The following SHANK2 variants were observed in gnomAD, a reference collection of about 807,000 sequenced individuals.
SHANK2 encodes the protein SH3 and multiple ankyrin repeat domains protein 2.
SHANK2 carries 43 observed loss-of-function variants against 133.7 expected under a neutral mutation model. The observed-to-expected ratio is 0.32, with a 90% CI of 0.25 to 0.41. The LOEUF is 0.41. SHANK2 is among the 10% of genes least tolerant of loss of function. SHANK2 has a pLI of 1.00. For missense variants in SHANK2, 1,994 were observed against 2,235.8 expected, an observed-to-expected ratio of 0.89 and a Z score of 2.18; for synonymous variants, 1,017 against 952.8, an observed-to-expected ratio of 1.07 and a Z score of -1.24.
chr11:70,892,755 C>T (rs1949868388), intron 11 of SHANK2, among the ~76,000 whole-genome samples: 1 of 152,148 alleles, frequency 6.6e-6, no homozygotes, highest in African/African-American at 2.4e-5. Context: ...TGCAATTCCC[C>T]AAATCCCTGA....
chr11:70,808,718 G>A (rs1951795893), intron 12 of SHANK2, among the ~76,000 whole-genome samples: 2 of 152,068 alleles, frequency 1.3e-5, no homozygotes, highest in Non-Finnish European at 2.9e-5. Flanking sequence ...CTGGGTGACA[G>A]AGTGAGATCC....
rs114993556 is a variant in SHANK2 at position 70,586,867 on chromosome 11, G to A, written c.2061+72961C>T. On this transcript the variant is annotated intron_variant, in intron 17 of 25. Coordinates refer to ENST00000601538, the MANE Select transcript of SHANK2 (RefSeq NM_012309.5). Reference sequence around the variant, plus strand: ...GCCTAGAGACGCCATCCCAGAATACGTCACTCCTGGGAAAGATGAAAATAA... The same window carrying A: ...GCCTAGAGACGCCATCCCAGAATACATCACTCCTGGGAAAGATGAAAATAA... Among the ~76,000 whole-genome samples, 462 of 152,208 alleles carry A rather than the reference G, an allele frequency of 3.0e-3. 3 individuals carry two copies. Among genetic ancestry groups the A allele is most frequent in the African/African-American group, 0.01 (432 of 41,542 alleles).
At chr11:71,183,927 C>T (rs1018506045) in intron 2 of SHANK2, among the ~76,000 whole-genome samples, 12 of 152,164 alleles carry the variant, frequency 7.9e-5, no homozygotes, top group African/African-American at 2.7e-4. Flanking sequence ...AAACTGGTTT[C>T]GTGGCCTCCA....
At chr11:70,615,223 C>T (rs2060722266) in intron 17 of SHANK2, among the ~76,000 whole-genome samples, 1 of 152,252 alleles carries the variant, frequency 6.6e-6, no homozygotes, top group Non-Finnish European at 1.5e-5. Flanking sequence ...CTATACACCT[C>T]TGCCTAATGC....
intron 14 of SHANK2, among the ~76,000 whole-genome samples, chr11:70,708,325 C>T (rs537020111): frequency 5.9e-5 from 9 of 152,216 alleles, no homozygotes; most frequent in Admixed American, 2.0e-4. Flanking sequence ...TCCTGATGGA[C>T]GGCCCTGGAC....
intron 15 of SHANK2, among the ~76,000 whole-genome samples, chr11:70,673,259 G>A (rs568083375): frequency 6.6e-6 from 1 of 151,568 alleles, no homozygotes; most frequent in Non-Finnish European, 1.5e-5. Context: ...TCACACTGAA[G>A]CCTCAGCCTT....
At chr11:70,492,214 C>G in intron 22 of SHANK2, 121 bp downstream of exon 22, 1 of 1,446,230 alleles carries the variant, frequency 6.9e-7, no homozygotes, top group Non-Finnish European at 9.6e-7. Flanking sequence ...GATTTGGGCC[C>G]CACCTCTGGA....
intron 11 of SHANK2, among the ~76,000 whole-genome samples, chr11:70,883,511 G>A (rs1421949776): frequency 6.6e-6 from 1 of 152,184 alleles, no homozygotes; most frequent in Non-Finnish European, 1.5e-5. Context: ...AATGACATGG[G>A]CAGGGACAAT....
intron 10 of SHANK2, among the ~76,000 whole-genome samples, chr11:70,903,159 C>A (rs1565395367): frequency 6.6e-6 from 1 of 151,996 alleles, no homozygotes; most frequent in Non-Finnish European, 1.5e-5. Flanking sequence ...AGTGGATCAC[C>A]TGAGGTCAGG....
intron 14 of SHANK2, among the ~76,000 whole-genome samples, chr11:70,775,544 T>C (rs1947344968): frequency 6.6e-6 from 1 of 152,020 alleles, no homozygotes; most frequent in East Asian, 1.9e-4. Flanking sequence ...TGAAGGTGAG[T>C]GTTGACTCTA....
chr11:70,810,605 G>A (rs1014714360), intron 12 of SHANK2, among the ~76,000 whole-genome samples: 4 of 152,226 alleles, frequency 2.6e-5, no homozygotes, highest in East Asian at 1.9e-4. Flanking sequence ...CTCTGTGGAC[G>A]GCCTGAACCT....
chr11:70,731,542 C>G (rs902572105), intron 14 of SHANK2, among the ~76,000 whole-genome samples: 2 of 152,178 alleles, frequency 1.3e-5, no homozygotes, highest in Non-Finnish European at 2.9e-5. Flanking sequence ...TTCTTTTACT[C>G]AGCATCCTGT....
intron 1 of SHANK2, among the ~76,000 whole-genome samples, chr11:71,247,696 G>A (rs1157690533): frequency 6.6e-6 from 1 of 152,156 alleles, no homozygotes; most frequent in African/African-American, 2.4e-5. Context: ...CTGCCTTTCT[G>A]CTGCAGCAGA....
intron 11 of SHANK2, among the ~76,000 whole-genome samples, chr11:70,889,315 A>T (rs1189032490): frequency 2.6e-5 from 4 of 152,144 alleles, no homozygotes; most frequent in African/African-American, 9.7e-5. Context: ...GCAAGGAAGG[A>T]TTCCTCCCTT....
intron 2 of SHANK2, among the ~76,000 whole-genome samples, chr11:71,172,908 G>A (rs782134260): frequency 4.1e-4 from 63 of 152,324 alleles, no homozygotes; most frequent in Middle Eastern, 3.4e-3. Context: ...AAAAATGCAC[G>A]AGCACAGCAA....
rs1416187147 is a variant in SHANK2 at position 70,490,441 on chromosome 11, G to A, written c.2440-54C>T. ...GCAGCCCTGGCCAGCCCCCACCCAC[G>A]GTCACAGGGCCCAGAGACCACAAGG... On this transcript the variant is annotated intron_variant, in intron 22 of 25. Coordinates refer to ENST00000601538, the MANE Select transcript of SHANK2 (RefSeq NM_012309.5). 2.2e-5 allele frequency: 32 copies of A among 1,454,522 alleles called. No homozygotes were observed. The African/African-American group carries it at 3.2e-4, about 15-fold the overall frequency. 90.1% of individuals were successfully genotyped at this position (1,454,522 alleles called of 1,614,324 possible).
At chr11:70,704,632 G>A (rs1001664220) in intron 14 of SHANK2, among the ~76,000 whole-genome samples, 6 of 64,970 alleles carry the variant, frequency 9.2e-5, no homozygotes, top group Non-Finnish European at 2.9e-4. Context: ...GAGATGCGAT[G>A]GAAGGACACG....
At chr11:71,222,225 T>G (rs1195729152) in intron 2 of SHANK2, among the ~76,000 whole-genome samples, 3 of 150,862 alleles carry the variant, frequency 2.0e-5, no homozygotes, top group Non-Finnish European at 4.4e-5. Context: ...TCACCAACTG[T>G]GTGGGCTGAA....
intron 5 of SHANK2, among the ~76,000 whole-genome samples, chr11:71,110,470 G>A (rs782254591): frequency 6.6e-6 from 1 of 152,104 alleles, no homozygotes; most frequent in Admixed American, 6.5e-5. Context: ...TTAGCTAGAC[G>A]TGGTGGCACA....
Sources: gnomAD v4.1 joint callset for allele counts (sites outside exome capture counted in the v4.1 genomes callset) on GRCh38, gnomAD v4.1.1 for gene constraint, MANE v1.5 for transcripts, NCBI Gene and HGNC (gene_info 2026-07-23, HGNC 2026-07-21) for gene names.